The following LIMK2 variants were observed in gnomAD, a reference collection of about 807,000 sequenced individuals.
LIMK2 encodes LIM domain kinase 2.
A neutral mutation model predicts 75.7 loss-of-function variants in LIMK2; 35 were observed. The ratio of observed to expected loss-of-function variants is 0.46; its 90% CI spans 0.35 to 0.61. LIMK2 has a LOEUF of 0.61. LIMK2 is among the 20% of genes least tolerant of loss of function. LIMK2 has a pLI of 0.00. For missense variants in LIMK2, 623 were observed against 831.0 expected (o/e 0.75, Z 3.08); for synonymous variants, 301 against 319.2 (o/e 0.94, Z 0.61).
chr22:31,266,830 C>A (rs1266933489), intron 8 of LIMK2, among the ~76,000 whole-genome samples, 154 bp from the exon 9 acceptor site: 1 of 152,230 alleles, frequency 6.6e-6, no homozygotes, highest in Non-Finnish European at 1.5e-5. Flanking sequence ...TCCCATGTTG[C>A]TCCACGCTGC....
chr22:31,212,361 CT>C lies in LIMK2; in HGVS notation c.-47del. 7.5e-7 allele frequency: 1 copy of C among 1,330,460 alleles called. No homozygotes were observed. The highest frequency in any genetic ancestry group is 3.0e-5 in the Admixed American group (1 of 33,230). 82.4% of individuals were successfully genotyped at this position (1,330,460 alleles called of 1,614,324 possible). A position where few individuals can be genotyped will look rare whatever the true frequency, so the allele number is the denominator to read the frequency against. On this transcript the variant is annotated 5_prime_UTR_variant, in exon 1 of 16. Transcript: ENST00000331728. ...GGGAGTTGTAGGGAACTGAGGGGAG[CT>C]GCTGTGTCCCCCGCCTCCTCCTCCC...
chr22:31,271,807 A>C (rs537136898), intron 12 of LIMK2, among the ~76,000 whole-genome samples: 3 of 152,026 alleles, frequency 2.0e-5, no homozygotes, highest in African/African-American at 7.3e-5. Flanking sequence ...CTCCCCATCT[A>C]CTGCCTCCAC....
chr22:31,263,535 G>C (rs975576971), intron 7 of LIMK2, among the ~76,000 whole-genome samples: 2 of 152,136 alleles, frequency 1.3e-5, no homozygotes, highest in Non-Finnish European at 2.9e-5. Context: ...CACATTCTTA[G>C]TATCACTAAG....
intron 7 of LIMK2, among the ~76,000 whole-genome samples, chr22:31,264,449 CT>C (rs2048871384): frequency 1.3e-5 from 2 of 152,350 alleles, no homozygotes; most frequent in East Asian, 3.9e-4. Context: ...GTGCTGTGGA[CT>C]TCAACCTTCT....
chr22:31,229,329 G>A (rs1452259693), intron 2 of LIMK2, among the ~76,000 whole-genome samples: 1 of 152,168 alleles, frequency 6.6e-6, no homozygotes. Flanking sequence ...GAGAGTGACT[G>A]TCTTTTGGAT....
intron 2 of LIMK2, among the ~76,000 whole-genome samples, chr22:31,253,339 TATG>T (rs1316575476): frequency 1.3e-5 from 2 of 152,226 alleles, no homozygotes; most frequent in African/African-American, 4.8e-5. Flanking sequence ...GGGAAGAACG[TATG>T]ATGTCCATGG....
At chr22:31,273,531 G>T (rs753202954) in intron 14 of LIMK2, 24 bp downstream of exon 14, 35 of 1,606,428 alleles carry the variant, frequency 2.2e-5, no homozygotes, top group Non-Finnish European at 2.9e-5. Context: ...CCAAGGCCAT[G>T]CCCGAGGCAG....
chr22:31,277,536 TA>T, intron 15 of LIMK2: 1 of 1,006,862 alleles, frequency 9.9e-7, no homozygotes. Flanking sequence ...AACACCAGTG[TA>T]AAAGCTTGAG....
rs771808320 is a variant in LIMK2 at position 31,275,144 on chromosome 22, C to T, written c.1615-7C>T. The T allele has an allele frequency of 3.7e-6, 6 of 1,613,886 alleles. No homozygotes were observed. The highest frequency in any genetic ancestry group is 4.2e-6 in the Non-Finnish European group (5 of 1,179,900). ...CCTTTGTAAACAGCTGTCTTCTTAC[C>T]CTACAGATCATTGGGCAGGTGTATG... On this transcript the variant is annotated splice_polypyrimidine_tract_variant and splice_region_variant and intron_variant, in intron 14 of 15. Transcript: ENST00000331728.
In LIMK2 at chr22:31,262,452, G is replaced by A. The variant is rs1330200102; in HGVS notation, c.658-143G>A. 4 of 852,690 alleles carry A rather than the reference G, an allele frequency of 4.7e-6. No individual in the cohort carries two copies. In the East Asian group the frequency reaches 7.6e-5, roughly 16 times the overall value. 52.8% of individuals were successfully genotyped at this position (852,690 alleles called of 1,614,324 possible). Reference sequence around the variant, plus strand: ...GAGAGCTGACAGGATGCCAGGCAGAGGGCACTGTGAGGCCACTGGCAGCTA... The same window carrying A: ...GAGAGCTGACAGGATGCCAGGCAGAAGGCACTGTGAGGCCACTGGCAGCTA... On this transcript the variant is annotated intron_variant, in intron 6 of 15. Coordinates refer to ENST00000331728, the MANE Select transcript of LIMK2 (RefSeq NM_005569.4). The surrounding 1 kb of genome is among the most constrained non-coding windows in gnomAD (Gnocchi z 5.0).
At chr22:31,277,162 G>C (rs574839495) in intron 15 of LIMK2, 1 of 1,613,262 alleles carries the variant, frequency 6.2e-7, no homozygotes, top group Non-Finnish European at 8.5e-7. Context: ...CCAGGCGAAC[G>C]GTGGCTCCCA....
intron 10 of LIMK2, 63 bp downstream of exon 10, chr22:31,267,970 C>A: frequency 6.4e-7 from 1 of 1,570,658 alleles, no homozygotes; most frequent in Non-Finnish European, 8.7e-7. Context: ...TATGCTATCA[C>A]TACCCTAGGA....
chr22:31,278,156 A>G, intron 15 of LIMK2, 141 bp from the exon 16 acceptor site: 1 of 688,534 alleles, frequency 1.5e-6, no homozygotes, highest in Non-Finnish European at 2.5e-6. Context: ...CATTATGCCC[A>G]TTTCTCACAG....
At chr22:31,230,844 TTC>T (rs939352229) in intron 2 of LIMK2, among the ~76,000 whole-genome samples, 4 of 152,202 alleles carry the variant, frequency 2.6e-5, no homozygotes, top group African/African-American at 4.8e-5. Flanking sequence ...CACATTCATT[TTC>T]TCTCCCCTCA....
intron 1 of LIMK2, among the ~76,000 whole-genome samples, chr22:31,218,325 C>G (rs2048405008): frequency 6.6e-6 from 1 of 152,136 alleles, no homozygotes; most frequent in African/African-American, 2.4e-5. Flanking sequence ...ACAAATTTTT[C>G]CAAATAAACC....
At chr22:31,223,889 CA>C (rs1568982912) in intron 1 of LIMK2, among the ~76,000 whole-genome samples, 1 of 152,184 alleles carries the variant, frequency 6.6e-6, no homozygotes, top group African/African-American at 2.4e-5. Context: ...GGCCTCTTGC[CA>C]GCTTGTTTAA....
intron 2 of LIMK2, among the ~76,000 whole-genome samples, chr22:31,255,740 T>G (rs937944069): frequency 6.6e-6 from 1 of 152,182 alleles, no homozygotes; most frequent in African/African-American, 2.4e-5. Context: ...CTGCAGTGCT[T>G]AGCAAGTTAT....
At chr22:31,271,275 C>T (rs1401870892) in intron 12 of LIMK2, 74 bp downstream of exon 12, 3 of 1,302,408 alleles carry the variant, frequency 2.3e-6, no homozygotes, top group South Asian at 1.2e-5. Flanking sequence ...AGGAGGCTGA[C>T]TTGTCCCCTC....
intron 2 of LIMK2, among the ~76,000 whole-genome samples, chr22:31,253,271 T>G (rs186824809): frequency 6.6e-6 from 1 of 152,210 alleles, no homozygotes; most frequent in Middle Eastern, 3.2e-3. Context: ...CCAGGGCAGA[T>G]TTTGACTTTC....
Sources: allele counts gnomAD v4.1 joint callset (sites outside exome capture counted in the v4.1 genomes callset), GRCh38; gene constraint gnomAD v4.1.1; non-coding constraint Gnocchi (gnomAD v3.1); transcripts MANE v1.5; gene names NCBI Gene and HGNC (gene_info 2026-07-23, HGNC 2026-07-21).